Variants in NRXN2 observed in about 807,000 individuals in gnomAD.
NRXN2 encodes the protein neurexin 2, also known as neurexin-2-beta.
Under a neutral mutation model 128.8 loss-of-function variants are expected in NRXN2, and 29 were observed. That is an observed-to-expected ratio of 0.23 (90% CI 0.17 to 0.31). NRXN2 has a LOEUF of 0.31. Ranked by LOEUF, NRXN2 falls within the 10% of genes least tolerant of loss-of-function variation. The probability of loss-of-function intolerance (pLI) is 1.00; values close to 1 mark genes in which losing one functional copy is unlikely to be tolerated. For synonymous variants in NRXN2, 1,098 were observed against 1,075.2 expected, an observed-to-expected ratio of 1.02 and a Z score of -0.41; for missense variants, 1,881 against 2,452.6, an observed-to-expected ratio of 0.77 and a Z score of 4.92.
chr11:64,620,526 C>T (rs2042170941), intron 21 of NRXN2, among the ~76,000 whole-genome samples, 154 bp from the exon 22 acceptor site: 1 of 152,048 alleles, frequency 6.6e-6, no homozygotes, highest in Non-Finnish European at 1.5e-5. Context: ...CTCTTGCTGG[C>T]TGACCTCGGG....
intron 19 of NRXN2, among the ~76,000 whole-genome samples, chr11:64,627,030 G>A (rs540827970): frequency 3.4e-4 from 51 of 152,136 alleles, no homozygotes; most frequent in Non-Finnish European, 5.9e-4. Context: ...CGGGGTTTAT[G>A]CGGCATTTAG....
At chr11:64,702,774 G>T (rs1459868348) in intron 2 of NRXN2, among the ~76,000 whole-genome samples, 1 of 125,776 alleles carries the variant, frequency 8.0e-6, no homozygotes. Flanking sequence ...CCCCCTCTGC[G>T]AGAAACACCC....
rs1346149939 is a variant in NRXN2, at chr11:64,677,033, G to C, written c.1157C>G (p.Ala386Gly). 3 of 1,556,754 alleles carry C rather than the reference G, an allele frequency of 1.9e-6. No individual in the cohort carries two copies. In the African/African-American group the frequency reaches 4.1e-5, roughly 21 times the overall value. The change falls in exon 7 of 23, where the codon GCA becomes GGA. Residue 386 changes from alanine (A) to glycine (G), a missense_variant. Around this residue, in one of 7 missense-constraint regions of NRXN2, gnomAD observed 997 missense variants for 1,240.8 expected, o/e 0.80. Coordinates refer to ENST00000265459, the MANE Select transcript of NRXN2 (RefSeq NM_015080.4). Reference sequence around the variant, plus strand: ...GTTTACCATAGCGTGTCCAATCCCTGCGTGCTTCACCGGAGATATGGGGGG... The same window carrying C: ...GTTTACCATAGCGTGTCCAATCCCTCCGTGCTTCACCGGAGATATGGGGGG... ...VRVTRNLRQH[A>G]GIGHAMVNKL...
At chr11:64,680,108 A>C (rs1357256956) in intron 6 of NRXN2, among the ~76,000 whole-genome samples, 6 of 152,198 alleles carry the variant, frequency 3.9e-5, no homozygotes, top group Non-Finnish European at 8.8e-5. Flanking sequence ...TCATGTGGTC[A>C]TTTTTACCAA....
chr11:64,609,925 C>T (rs1591449320), intron 22 of NRXN2, among the ~76,000 whole-genome samples: 1 of 152,158 alleles, frequency 6.6e-6, no homozygotes, highest in African/African-American at 2.4e-5. Context: ...TGCCAGGTCC[C>T]GCCTGCCCCA....
intron 2 of NRXN2, among the ~76,000 whole-genome samples, chr11:64,706,838 T>G (rs1367986351): frequency 6.6e-6 from 1 of 152,114 alleles, no homozygotes; most frequent in Non-Finnish European, 1.5e-5. Context: ...ACTTGGAAAC[T>G]CTCCCCTGCA....
intron 11 of NRXN2, 35 bp from the exon 12 acceptor site, chr11:64,653,757 G>T: frequency 1.3e-6 from 2 of 1,504,350 alleles, no homozygotes; most frequent in Non-Finnish European, 1.8e-6. Context: ...AGGGGAAGGG[G>T]AGACAAAAAG....
At chr11:64,617,566 G>A (rs1298825567) in intron 22 of NRXN2, among the ~76,000 whole-genome samples, 1 of 152,226 alleles carries the variant, frequency 6.6e-6, no homozygotes, top group Non-Finnish European at 1.5e-5. Flanking sequence ...TTAGGGAAAA[G>A]GGTGAAAAGG....
At chr11:64,720,802 G>C (rs116109566) in intron 1 of NRXN2, among the ~76,000 whole-genome samples, 2 of 152,192 alleles carry the variant, frequency 1.3e-5, no homozygotes, top group Admixed American at 1.3e-4. Context: ...GTCTGGGAGG[G>C]TGTGCCCACA....
chr11:64,648,974 G>T lies in NRXN2; in HGVS notation c.3110-67C>A. 6.5e-7 allele frequency: 1 copy of T among 1,538,522 alleles called. No individual in the cohort carries two copies. Among genetic ancestry groups the T allele is most frequent in the Non-Finnish European group, 9.0e-7 (1 of 1,113,108 alleles). ...TCCCATCCCAAGACAATGGCATCTG[G>T]CTGTCAGGTCCTCCCAGCCTTCTCA... On this transcript the variant is annotated intron_variant, in intron 15 of 22. Coordinates refer to ENST00000265459, the MANE Select transcript of NRXN2 (RefSeq NM_015080.4). This position sits in a 1 kb window ranked among gnomAD's most constrained non-coding sequence, Gnocchi z 4.1.
chr11:64,712,683 C>G (rs894753835), intron 2 of NRXN2: 6 of 602,758 alleles, frequency 1.0e-5, no homozygotes, highest in Admixed American at 6.5e-5. Context: ...GCACCCCACC[C>G]TCAGCAGCCC....
At chr11:64,643,705 C>T (rs1444059143) in intron 17 of NRXN2, among the ~76,000 whole-genome samples, 1 of 151,682 alleles carries the variant, frequency 6.6e-6, no homozygotes, top group African/African-American at 2.4e-5. Flanking sequence ...CTCAGCCGCG[C>T]GGCACCTGGC....
chr11:64,636,248 C>A (rs1334678013), intron 17 of NRXN2, among the ~76,000 whole-genome samples: 2 of 152,046 alleles, frequency 1.3e-5, no homozygotes, highest in Admixed American at 1.3e-4. Flanking sequence ...CCTCTCCCAG[C>A]CCTCCCCTAC....
At chr11:64,712,603 G>T (rs911420130) in intron 2 of NRXN2, 10 of 390,292 alleles carry the variant, frequency 2.6e-5, no homozygotes, top group Non-Finnish European at 5.4e-5. Context: ...CCCTGTCCAC[G>T]CAGACCCCCA....
chr11:64,690,814 G>A (rs1389646165), intron 4 of NRXN2, among the ~76,000 whole-genome samples: 3 of 152,042 alleles, frequency 2.0e-5, no homozygotes, highest in African/African-American at 7.2e-5. Flanking sequence ...CTCAGCACTG[G>A]AGGCCCCCAG....
Position 64,608,054 on chromosome 11 carries a change from C to G in NRXN2, c.4281G>C (p.Thr1427=). 1 of 1,582,550 alleles carries G rather than the reference C, an allele frequency of 6.3e-7. No individual in the cohort carries two copies. The highest frequency in any genetic ancestry group is 2.3e-5 in the East Asian group (1 of 44,290). Residue 1427 remains threonine (T), a synonymous_variant, in exon 23 of 23, where the codon ACG becomes ACC. Transcript: ENST00000265459. ...CGGGAGGGGGGTCTAAGGAGTCCTC[C>G]GTGATAATGGGCAATATTAACTCTC... ...TGGELILPII[T]EDSLDPPPVA...
chr11:64,714,733 T>C lies in NRXN2; in HGVS notation c.-244-790A>G, dbSNP rs575064998. On this transcript the variant is annotated intron_variant, in intron 1 of 22. Coordinates refer to ENST00000265459, the MANE Select transcript of NRXN2 (RefSeq NM_015080.4). This position sits in a 1 kb window ranked among gnomAD's most constrained non-coding sequence, Gnocchi z 4.5. Reference sequence around the variant, plus strand: ...ACCTGGGCTCTCTTTACCCCTCAGTTCCCTCTGCCCACCCCCCACCCAAGA... The same window carrying C: ...ACCTGGGCTCTCTTTACCCCTCAGTCCCCTCTGCCCACCCCCCACCCAAGA... Among the ~76,000 whole-genome samples the C allele has an allele frequency of 1.0e-3, 154 of 152,090 alleles. 1 individual carries two copies. The highest frequency in any genetic ancestry group is 3.6e-3 in the African/African-American group (150 of 41,476).
At chr11:64,665,345 C>A (rs2049690587) in intron 9 of NRXN2, among the ~76,000 whole-genome samples, 1 of 152,052 alleles carries the variant, frequency 6.6e-6, no homozygotes, top group African/African-American at 2.4e-5. Flanking sequence ...AGACAGGAAT[C>A]CAAAGACTGG....
Position 64,607,315 on chromosome 11 carries a change from G to T in NRXN2, c.5020C>A (p.Arg1674=). 3.1e-6 allele frequency: 5 copies of T among 1,613,944 alleles called. No homozygotes were observed. Among genetic ancestry groups the T allele is most frequent in the Non-Finnish European group, 4.2e-6 (5 of 1,179,960 alleles). Residue 1674 remains arginine (R), a synonymous_variant, in exon 23 of 23, where the codon CGA becomes AGA. Transcript: ENST00000265459. The stretch of plus-strand genomic sequence containing the variant: ...TGGGCCGAGTTACTGATGTAGTTTC[G>T]GCTCTGGTCCACCTGGTAGGAGCCC... ...DEGSYQVDQS[R]NYISNSAQSN...
Sources: allele counts gnomAD v4.1 joint callset (sites outside exome capture counted in the v4.1 genomes callset), GRCh38; gene constraint gnomAD v4.1.1; regional missense constraint gnomAD v4.1.1; non-coding constraint Gnocchi (gnomAD v3.1); transcripts MANE v1.5; gene names NCBI Gene and HGNC (gene_info 2026-07-23, HGNC 2026-07-21).